NECTIN3: variants seen among roughly 807,000 people sequenced by gnomAD.
NECTIN3 encodes the protein nectin cell adhesion molecule 3, also known as nectin-3.
Under a neutral mutation model 49.4 loss-of-function variants are expected in NECTIN3, and 8 were observed. That is an observed-to-expected ratio of 0.16 (90% CI 0.10 to 0.29). The LOEUF (loss-of-function observed/expected upper bound fraction) is 0.29. NECTIN3 is among the 10% of genes least tolerant of loss of function. The pLI, the probability that NECTIN3 is intolerant of heterozygous loss-of-function variation, is 1.00. For missense variants in NECTIN3, 581 were observed against 654.6 expected (o/e 0.89, Z 1.23); for synonymous variants, 277 against 241.1 (o/e 1.15, Z -1.38).
intron 1 of NECTIN3, among the ~76,000 whole-genome samples, chr3:111,088,289 C>A (rs1206410806): frequency 6.6e-6 from 1 of 152,180 alleles, no homozygotes; most frequent in African/African-American, 2.4e-5. Context: ...TACAACCCAG[C>A]TGTCCTTTGC....
At chr3:111,193,974 T>C (rs1018691075) in intron 1 of NECTIN3, among the ~76,000 whole-genome samples, 1 of 152,174 alleles carries the variant, frequency 6.6e-6, no homozygotes, top group Admixed American at 6.6e-5. Context: ...TAAACCTTTG[T>C]GTTATTATGA....
chr3:111,093,592 G>A (rs1420445341), intron 1 of NECTIN3, among the ~76,000 whole-genome samples: 5 of 151,762 alleles, frequency 3.3e-5, no homozygotes, highest in African/African-American at 4.8e-5. Flanking sequence ...GTGCCACCAC[G>A]CCTGGATAAT....
At chr3:111,124,142 T>A (rs192513778) in intron 4 of NECTIN3, among the ~76,000 whole-genome samples, 94 of 152,328 alleles carry the variant, frequency 6.2e-4, no homozygotes, top group African/African-American at 2.1e-3. Context: ...ACATTTTTTT[T>A]AAATGGGAAG....
chr3:111,100,854 G>T lies in NECTIN3; in HGVS notation c.161-11176G>T, dbSNP rs995303025. Among the ~76,000 whole-genome samples the T allele has an allele frequency of 1.2e-4, 19 of 152,122 alleles. 1 individual carries two copies. The highest frequency in any genetic ancestry group is 1.8e-4 in the Non-Finnish European group (12 of 67,950). ...AAAACTCTGTCTCTGCATTTTGCTT[G>T]CATAGTGCTTAGTTTAAGAACTGCA... On this transcript the variant is annotated intron_variant, in intron 1 of 5. Transcript: ENST00000485303.
chr3:111,078,110 A>T (rs1413313060), intron 1 of NECTIN3, among the ~76,000 whole-genome samples: 3 of 152,350 alleles, frequency 2.0e-5, no homozygotes, highest in African/African-American at 7.2e-5. Context: ...GACTAGCCAC[A>T]TTTAATGCAC....
At chr3:111,143,445 A>G (rs2034798130) in intron 5 of NECTIN3, among the ~76,000 whole-genome samples, 1 of 151,956 alleles carries the variant, frequency 6.6e-6, no homozygotes, top group Non-Finnish European at 1.5e-5. Context: ...GATTGTTAGT[A>G]TTCTAAAGAC....
chr3:111,072,305 C>G, intron 1 of NECTIN3, 128 bp downstream of exon 1: 1 of 1,437,786 alleles, frequency 7.0e-7, no homozygotes, highest in East Asian at 2.6e-5. Context: ...GTGCCGAGGA[C>G]TTTGGCTGGA....
chr3:111,072,505 A>G, intron 1 of NECTIN3: 1 of 1,535,120 alleles, frequency 6.5e-7, no homozygotes, highest in Non-Finnish European at 8.7e-7. Context: ...TTCTCTGGGA[A>G]CCCTCGTAGG....
intron 1 of NECTIN3, among the ~76,000 whole-genome samples, chr3:111,109,124 A>C (rs1483804437): frequency 6.6e-6 from 1 of 152,072 alleles, no homozygotes; most frequent in Non-Finnish European, 1.5e-5. Flanking sequence ...ATGGCCTAGA[A>C]AAAGTGAGGG....
At chr3:111,171,767 A>G (rs2035437306) in intron 7 of NECTIN3, among the ~76,000 whole-genome samples, 1 of 143,074 alleles carries the variant, frequency 7.0e-6, no homozygotes, top group Admixed American at 6.8e-5. Flanking sequence ...CTGGTAAGTT[A>G]AAAAAAAAAA....
intron 7 of NECTIN3, among the ~76,000 whole-genome samples, chr3:111,174,847 G>T (rs1423662265): frequency 6.6e-6 from 1 of 152,156 alleles, no homozygotes; most frequent in Non-Finnish European, 1.5e-5. Flanking sequence ...CCAGCTCAGT[G>T]GACCCTCTGC....
intron 7 of NECTIN3, among the ~76,000 whole-genome samples, chr3:111,149,675 T>A (rs2034958933): frequency 6.6e-6 from 1 of 152,028 alleles, no homozygotes; most frequent in African/African-American, 2.4e-5. Flanking sequence ...GCAGCCTCTT[T>A]TATCAAATTT....
At chr3:111,169,552 T>C (rs2035394902) in intron 7 of NECTIN3, among the ~76,000 whole-genome samples, 1 of 152,124 alleles carries the variant, frequency 6.6e-6, no homozygotes. Context: ...AGAAAATTAA[T>C]AGATTATAAG....
At chr3:111,127,519 AT>A (rs2034214500) in intron 5 of NECTIN3, among the ~76,000 whole-genome samples, 1 of 145,368 alleles carries the variant, frequency 6.9e-6, no homozygotes, top group South Asian at 2.1e-4. Context: ...AGCTGTATAC[AT>A]CCCTAGCCCT....
intron 7 of NECTIN3, among the ~76,000 whole-genome samples, chr3:111,171,008 T>C (rs2035424350): frequency 6.6e-6 from 1 of 152,210 alleles, no homozygotes; most frequent in Non-Finnish European, 1.5e-5. Context: ...AGAGAACATA[T>C]GTCATTACTA....
chr3:111,183,461 G>A (rs1043569481), intron 7 of NECTIN3, among the ~76,000 whole-genome samples: 6 of 151,798 alleles, frequency 4.0e-5, no homozygotes, highest in Non-Finnish European at 5.9e-5. Context: ...AGAGGCGCCC[G>A]CCACCACACC....
Position 111,090,053 on chromosome 3 carries a change from A to G in NECTIN3, c.160+17876A>G, listed in dbSNP as rs567549560. 7.9e-5 allele frequency among the ~76,000 whole-genome samples: 12 copies of G among 152,258 alleles called. No individual in the cohort carries two copies. In the South Asian group the frequency reaches 2.5e-3, roughly 32 times the overall value. On this transcript the variant is annotated intron_variant, in intron 1 of 5. Transcript: ENST00000485303. ...AACATTTACTTTGTCTAGTTTTCAT[A>G]TAGCTACATAAGTTTATTTCAATTA... is the stretch of plus-strand genomic sequence containing the variant.
At chr3:111,097,585 T>G (rs1037426898) in intron 1 of NECTIN3, among the ~76,000 whole-genome samples, 1 of 152,180 alleles carries the variant, frequency 6.6e-6, no homozygotes, top group African/African-American at 2.4e-5. Flanking sequence ...GGGAGGTAAT[T>G]GAATCATGGG....
chr3:111,118,825 G>T lies in NECTIN3; in HGVS notation c.672G>T (p.Thr224=), dbSNP rs182177575. ...ESTTTSFPNE[T]ATIISQYKLF... is the part of the protein sequence containing the mutation. ...CTACAACTTCTTTTCCAAATGAAAC[G>T]GCAACGATTATCAGCCAGTACAAGC... Residue 224 remains threonine (T), a synonymous_variant, in exon 3 of 6, where the codon ACG becomes ACT. Coordinates refer to ENST00000485303, the MANE Select transcript of NECTIN3 (RefSeq NM_015480.3). The T allele has an allele frequency of 1.3e-5, 21 of 1,613,986 alleles. No homozygotes were observed. The East Asian group carries it at 4.7e-4, about 36-fold the overall frequency.
Sources: allele counts gnomAD v4.1 joint callset (sites outside exome capture counted in the v4.1 genomes callset), GRCh38; gene constraint gnomAD v4.1.1; transcripts MANE v1.5; gene names NCBI Gene and HGNC (gene_info 2026-07-23, HGNC 2026-07-21).